The following PAX5 variants were observed in gnomAD, a reference collection of about 807,000 sequenced individuals.
The protein encoded by PAX5 is paired box protein Pax-5.
Under a neutral mutation model 43.7 loss-of-function variants are expected in PAX5, and 9 were observed. That is an observed-to-expected ratio of 0.21 (90% CI 0.12 to 0.36). PAX5 has a LOEUF of 0.36. Among genes scored for constraint, PAX5 ranks in the 10% least tolerant of loss-of-function variants. The probability of loss-of-function intolerance (pLI) is 1.00; values close to 1 mark genes in which losing one functional copy is unlikely to be tolerated. For synonymous variants in PAX5, 228 were observed against 214.3 expected (o/e 1.06, Z -0.56); for missense variants, 383 against 532.7 (o/e 0.72, Z 2.77).
At chr9:36,889,987 T>A (rs1827241274) in intron 7 of PAX5, among the ~76,000 whole-genome samples, 1 of 149,198 alleles carries the variant, frequency 6.7e-6, no homozygotes, top group Non-Finnish European at 1.5e-5. Flanking sequence ...ATTTAGCTCA[T>A]AATGAACTTA....
intron 3 of PAX5, among the ~76,000 whole-genome samples, chr9:37,006,752 T>A (rs1286805985): frequency 6.6e-6 from 1 of 152,242 alleles, no homozygotes; most frequent in Admixed American, 6.5e-5. Flanking sequence ...TCTGTTTCCC[T>A]GTGTAATTTG....
At position 37,024,070 on chromosome 9, in the gene PAX5, A is replaced by G. The variant is rs1350757687; in HGVS notation, c.47-3269T>C. Among the ~76,000 whole-genome samples, 3 of 152,188 alleles carry G rather than the reference A, an allele frequency of 2.0e-5. No individual in the cohort carries two copies. The South Asian group carries it at 6.2e-4, about 32-fold the overall frequency. ...CCAAGAACCAGCTCCAGCTGTGCCA[A>G]TGTGAACTTCTTGAGTCAGTCCTTT... On this transcript the variant is annotated intron_variant, in intron 1 of 9. Coordinates refer to ENST00000358127, the MANE Select transcript of PAX5 (RefSeq NM_016734.3).
At chr9:36,917,818 G>T (rs1219976301) in intron 7 of PAX5, among the ~76,000 whole-genome samples, 1 of 152,208 alleles carries the variant, frequency 6.6e-6, no homozygotes, top group Admixed American at 6.5e-5. Context: ...AACAGCATGC[G>T]CTCCCTTCCT....
At chr9:36,850,686 C>T (rs1316484179) in intron 8 of PAX5, among the ~76,000 whole-genome samples, 4 of 152,172 alleles carry the variant, frequency 2.6e-5, no homozygotes, top group African/African-American at 7.2e-5. Flanking sequence ...CTGGTAGGTG[C>T]CAGCTTACAT....
At chr9:36,887,346 T>C (rs1364198021) in intron 7 of PAX5, among the ~76,000 whole-genome samples, 1 of 152,166 alleles carries the variant, frequency 6.6e-6, no homozygotes, top group Non-Finnish European at 1.5e-5. Flanking sequence ...GCATAGATTA[T>C]ATGGAAATCT....
intron 6 of PAX5, chr9:36,930,976 G>C (rs78019417): frequency 0.081 from 49,720 of 610,834 alleles, 2,337 homozygotes; most frequent in East Asian, 0.12. Flanking sequence ...AAGAAACACA[G>C]ACACGTGAGA....
At chr9:36,923,644 G>A (rs1038612551) in intron 6 of PAX5, among the ~76,000 whole-genome samples, 160 bp from the exon 7 acceptor site, 1 of 152,236 alleles carries the variant, frequency 6.6e-6, no homozygotes, top group Admixed American at 6.5e-5. Flanking sequence ...AAAGGGCAGA[G>A]TCAGCTTGGT....
intron 6 of PAX5, among the ~76,000 whole-genome samples, chr9:36,946,689 T>G (rs1017934405): frequency 6.6e-6 from 1 of 152,220 alleles, no homozygotes; most frequent in East Asian, 1.9e-4. Flanking sequence ...GTGCTAGAGA[T>G]AGGTTACGGT....
intron 6 of PAX5, among the ~76,000 whole-genome samples, chr9:36,966,149 C>CT (rs1834410820): frequency 6.6e-6 from 1 of 152,250 alleles, no homozygotes. Context: ...TGTTCACGGC[C>CT]GGTGAGCCCC....
At chr9:37,026,408 G>T in intron 1 of PAX5, 2 of 861,358 alleles carry the variant, frequency 2.3e-6, no homozygotes, top group Non-Finnish European at 3.2e-6. Flanking sequence ...CCTGCACTTT[G>T]CAAAGTTAGC....
At chr9:36,963,637 C>T (rs184191617) in intron 6 of PAX5, among the ~76,000 whole-genome samples, 7 of 152,288 alleles carry the variant, frequency 4.6e-5, no homozygotes, top group South Asian at 4.1e-4. Flanking sequence ...AATCCATGGG[C>T]GGCTTCCAGA....
At chr9:36,923,321 C>T (rs751274382) in intron 7 of PAX5, 34 bp downstream of exon 7, 2 of 1,595,744 alleles carry the variant, frequency 1.3e-6, no homozygotes, top group Non-Finnish European at 1.7e-6. Context: ...TCTCTCTCTC[C>T]CTCACTCATC....
At chr9:36,848,598 C>T (rs1168633632) in intron 8 of PAX5, among the ~76,000 whole-genome samples, 3 of 152,178 alleles carry the variant, frequency 2.0e-5, no homozygotes, top group African/African-American at 7.2e-5. Context: ...AGAGACACAG[C>T]GCAGCCTGGA....
chr9:36,842,265 G>T (rs1270873586), intron 9 of PAX5, among the ~76,000 whole-genome samples: 1 of 152,198 alleles, frequency 6.6e-6, no homozygotes, highest in African/African-American at 2.4e-5. Context: ...TGTCTGCAGT[G>T]CCTGCCCTTC....
chr9:36,964,324 C>T (rs1198962586), intron 6 of PAX5, among the ~76,000 whole-genome samples: 3 of 151,948 alleles, frequency 2.0e-5, no homozygotes, highest in East Asian at 1.9e-4. Flanking sequence ...CGCAGTGGCT[C>T]ACACCTATAA....
At chr9:36,924,789 A>AAGGG (rs1312053447) in intron 6 of PAX5, among the ~76,000 whole-genome samples, 35 of 10,788 alleles carry the variant, frequency 3.2e-3, no homozygotes, top group African/African-American at 0.011. Flanking sequence ...GGAAAAGAGA[A>AAGGG]AGGGAGGGAG....
At chr9:36,893,682 A>T (rs1827601721) in intron 7 of PAX5, among the ~76,000 whole-genome samples, 1 of 152,220 alleles carries the variant, frequency 6.6e-6, no homozygotes, top group South Asian at 2.1e-4. Flanking sequence ...GGTGAGCAGC[A>T]AGGACAGAGA....
At chr9:36,850,088 C>A (rs932829653) in intron 8 of PAX5, among the ~76,000 whole-genome samples, 2 of 152,166 alleles carry the variant, frequency 1.3e-5, no homozygotes, top group African/African-American at 2.4e-5. Context: ...CAGAGAGAGG[C>A]GGGCATTCCA....
At chr9:36,900,226 G>A (rs1378268941) in intron 7 of PAX5, among the ~76,000 whole-genome samples, 1 of 152,238 alleles carries the variant, frequency 6.6e-6, no homozygotes, top group Non-Finnish European at 1.5e-5. Context: ...GGTCCCCCAA[G>A]TAGACACGTG....
Sources: allele counts gnomAD v4.1 joint callset (sites outside exome capture counted in the v4.1 genomes callset), GRCh38; gene constraint gnomAD v4.1.1; transcripts MANE v1.5; gene names NCBI Gene and HGNC (gene_info 2026-07-23, HGNC 2026-07-21).